MDM1: variants seen among roughly 807,000 people sequenced by gnomAD.
The protein encoded by MDM1 is Mdm1 nuclear protein.
In MDM1, 61 loss-of-function variants were observed where a neutral mutation model predicts 89.1. The ratio of observed to expected loss-of-function variants is 0.68; its 90% CI spans 0.56 to 0.85. MDM1 has a LOEUF of 0.85. MDM1 is among the 40% of genes least tolerant of loss of function. The probability of loss-of-function intolerance (pLI) is 0.00; values close to 1 mark genes in which losing one functional copy is unlikely to be tolerated. For missense variants in MDM1, 820 were observed against 846.5 expected, an observed-to-expected ratio of 0.97 and a Z score of 0.39; for synonymous variants, 290 against 294.1, an observed-to-expected ratio of 0.99 and a Z score of 0.14.
chr12:68,316,876 G>T (rs552046799), intron 7 of MDM1, among the ~76,000 whole-genome samples: 1 of 152,064 alleles, frequency 6.6e-6, no homozygotes, highest in Non-Finnish European at 1.5e-5. Context: ...CCTACCTCTG[G>T]AAGAGTACTT....
intron 7 of MDM1, 188 bp downstream of exon 7, chr12:68,321,159 G>T: frequency 2.5e-6 from 1 of 396,346 alleles, no homozygotes; most frequent in East Asian, 3.4e-5. Context: ...AATTTCTGAA[G>T]AGCCAGTGGC....
intron 7 of MDM1, among the ~76,000 whole-genome samples, chr12:68,320,370 G>A (rs1272959595): frequency 6.6e-6 from 1 of 151,682 alleles, no homozygotes; most frequent in African/African-American, 2.4e-5. Context: ...CTGTCTTCAG[G>A]CCGTGCTCAA....
In MDM1 at chr12:68,298,555, G is replaced by A. The variant is rs542485991; in HGVS notation, c.2003-1573C>T. 4.3e-4 allele frequency among the ~76,000 whole-genome samples: 65 copies of A among 152,212 alleles called. 1 individual carries two copies. Among genetic ancestry groups the A allele is most frequent in the South Asian group, 2.7e-3 (13 of 4,824 alleles). The stretch of plus-strand genomic sequence containing the variant: ...AGTGTGCCTATAGACAGCCTTCCTG[G>A]AACACTTTAGGGTGACTGCTTCCCC... On this transcript the variant is annotated intron_variant, in intron 13 of 14. Transcript: ENST00000682720.
At chr12:68,303,019 T>A (rs1049008949) in intron 12 of MDM1, 147 bp from the exon 13 acceptor site, 67 of 713,422 alleles carry the variant, frequency 9.4e-5, no homozygotes, top group Non-Finnish European at 1.3e-4. Flanking sequence ...GGGGAAGATA[T>A]GATATAGACA....
chr12:68,312,344 C>T (rs1178084166), intron 12 of MDM1, among the ~76,000 whole-genome samples: 1 of 152,168 alleles, frequency 6.6e-6, no homozygotes, highest in Non-Finnish European at 1.5e-5. Flanking sequence ...AGTTAAATGG[C>T]GACTCCATCC....
At chr12:68,299,469 T>TA (rs1297129392) in intron 13 of MDM1, among the ~76,000 whole-genome samples, 1 of 151,546 alleles carries the variant, frequency 6.6e-6, no homozygotes, top group Non-Finnish European at 1.5e-5. Flanking sequence ...CATCTGGAAA[T>TA]AAAAAACACA....
At position 68,294,667 on chromosome 12, in the gene MDM1, G is replaced by C. The variant is rs553099309; in HGVS notation, c.*587C>G. 6.6e-6 allele frequency: 1 copy of C among 152,116 alleles called. No homozygotes were observed. The highest frequency in any genetic ancestry group is 2.4e-5 in the African/African-American group (1 of 41,416). The allele number at this position is 152,116 out of a possible 1,614,324, so 9.4% of individuals were successfully genotyped here. On this transcript the variant is annotated 3_prime_UTR_variant, in exon 15 of 15. Transcript: ENST00000682720. ...AGACATTATTCAAATGTAAGCCAAA[G>C]TCCTTACACAAATAGAATACACTCA...
At chr12:68,309,444 T>A (rs1488513633) in intron 12 of MDM1, among the ~76,000 whole-genome samples, 1 of 152,212 alleles carries the variant, frequency 6.6e-6, no homozygotes, top group Non-Finnish European at 1.5e-5. Context: ...AAACTCTTAT[T>A]AGTTTTAATT....
intron 12 of MDM1, among the ~76,000 whole-genome samples, chr12:68,303,879 T>A (rs1872544468): frequency 6.6e-6 from 1 of 152,224 alleles, no homozygotes; most frequent in African/African-American, 2.4e-5. Flanking sequence ...TTGGTCAGTA[T>A]TTGCTGTTTT....
intron 10 of MDM1, among the ~76,000 whole-genome samples, chr12:68,314,158 G>A (rs1874134459): frequency 7.0e-6 from 1 of 143,564 alleles, no homozygotes; most frequent in Non-Finnish European, 1.5e-5. Context: ...AAAAAAACTT[G>A]TAAGAGAAGG....
rs1400801209 is a variant in MDM1, at chr12:68,295,129, A to T, written c.*125T>A. ...TAACAATTTCCAAGTAAACTGTTCTATTGGAAATTAAATATTTCAAAGTAG... is the reference window on the plus strand; with the variant it reads ...TAACAATTTCCAAGTAAACTGTTCTTTTGGAAATTAAATATTTCAAAGTAG... On this transcript the variant is annotated 3_prime_UTR_variant, in exon 15 of 15. Coordinates refer to ENST00000682720, the MANE Select transcript of MDM1 (RefSeq NM_001354969.2). The T allele has an allele frequency of 1.7e-6, 1 of 592,190 alleles. No homozygotes were observed. The highest frequency in any genetic ancestry group is 1.9e-5 in the African/African-American group (1 of 53,062). 36.7% of individuals were successfully genotyped at this position (592,190 alleles called of 1,614,324 possible).
chr12:68,305,952 CA>C (rs111412907), intron 12 of MDM1, among the ~76,000 whole-genome samples: 44 of 96,294 alleles, frequency 4.6e-4, no homozygotes, highest in Non-Finnish European at 7.1e-4. Flanking sequence ...CAATCCTAAG[CA>C]AAAAAAAAAA....
chr12:68,332,201 A>C (rs771111296), intron 1 of MDM1, 27 bp downstream of exon 1: 1 of 1,544,912 alleles, frequency 6.5e-7, no homozygotes. Flanking sequence ...CCCCAGCCAC[A>C]TTCCGGCCCG....
chr12:68,327,652 C>G, intron 2 of MDM1: 1 of 765,732 alleles, frequency 1.3e-6, no homozygotes, highest in Non-Finnish European at 2.1e-6. Flanking sequence ...CACTGAGAGA[C>G]TGCCCTAGTT....
rs928536101 is a variant in MDM1, at chr12:68,302,978, A to T, written c.1750-106T>A. The T allele has an allele frequency of 1.1e-5, 11 of 1,029,082 alleles. No homozygotes were observed. The African/African-American group carries it at 1.8e-4, about 17-fold the overall frequency. The allele number at this position is 1,029,082 out of a possible 1,614,324, so 63.7% of individuals were successfully genotyped here. Reference sequence around the variant, plus strand: ...AAACATAACCAAAAAGCAGAAGGAGAAATATGAGAGAATTTATGCAACATC... The same window carrying T: ...AAACATAACCAAAAAGCAGAAGGAGTAATATGAGAGAATTTATGCAACATC... On this transcript the variant is annotated intron_variant, in intron 12 of 14. Transcript: ENST00000682720.
rs1376815774 is a variant in MDM1 at position 68,295,371 on chromosome 12, A to G, written c.2063-5T>C. On this transcript the variant is annotated splice_polypyrimidine_tract_variant and splice_region_variant and intron_variant, in intron 14 of 14. Transcript: ENST00000682720. ...TCTCAGACAATCTGTCCTCATCTGC[A>G]ATGAAAAAATCCCGAGATTATATTC... The G allele has an allele frequency of 2.5e-6, 4 of 1,583,792 alleles. No individual in the cohort carries two copies. Among genetic ancestry groups the G allele is most frequent in the Non-Finnish European group, 1.7e-6 (2 of 1,158,096 alleles).
chr12:68,300,035 G>A (rs1000973046), intron 13 of MDM1, among the ~76,000 whole-genome samples: 1 of 152,122 alleles, frequency 6.6e-6, no homozygotes, highest in Non-Finnish European at 1.5e-5. Context: ...CCTATCTTTA[G>A]CCTCCTTAAA....
Position 68,315,061 on chromosome 12 carries a change from C to T in MDM1, c.1416G>A (p.Glu472=). The T allele has an allele frequency of 2.5e-6, 4 of 1,613,974 alleles. No individual in the cohort carries two copies. The highest frequency in any genetic ancestry group is 3.4e-6 in the Non-Finnish European group (4 of 1,180,002). The change falls in exon 10 of 15, where the codon GAG becomes GAA. Residue 472 remains glutamate, a synonymous_variant. Transcript: ENST00000682720. ...CCCCTTCCTCTTCATTGTCGTCCTC[C>T]TCCTCTTTCTCCCCGGGCTGTTTCT... ...DVQKQPGEKE[E]EDDNEEEGDR... is the part of the protein sequence containing the mutation.
intron 2 of MDM1, chr12:68,327,630 C>T (rs1421206875): frequency 2.2e-6 from 2 of 923,776 alleles, no homozygotes; most frequent in African/African-American, 1.7e-5. Context: ...AGCAGCTCTG[C>T]AGAATGACAG....
Sources: gnomAD v4.1 joint callset for allele counts (sites outside exome capture counted in the v4.1 genomes callset) on GRCh38, gnomAD v4.1.1 for gene constraint, MANE v1.5 for transcripts, NCBI Gene and HGNC (gene_info 2026-07-23, HGNC 2026-07-21) for gene names.